The following IRAK2 variants were observed in gnomAD, a reference collection of about 807,000 sequenced individuals.
IRAK2 encodes interleukin 1 receptor associated kinase 2, also known as interleukin-1 receptor-associated kinase-like 2.
IRAK2 carries 57 observed loss-of-function variants against 72.0 expected under a neutral mutation model. The ratio of observed to expected loss-of-function variants is 0.79; its 90% CI spans 0.64 to 0.99. The LOEUF (loss-of-function observed/expected upper bound fraction) is 0.99. IRAK2 is among the 50% of genes least tolerant of loss of function. The pLI, the probability that IRAK2 is intolerant of heterozygous loss-of-function variation, is 0.00. For synonymous variants in IRAK2, 293 were observed against 312.7 expected (o/e 0.94, Z 0.67); for missense variants, 790 against 794.4 (o/e 0.99, Z 0.07).
chr3:10,196,440 G>T (rs696356), intron 2 of IRAK2, among the ~76,000 whole-genome samples: 33,265 of 152,134 alleles, frequency 0.22, 4,718 homozygotes, highest in East Asian at 0.72. Flanking sequence ...CTCCTCCTGG[G>T]CCTGTGGAAG....
chr3:10,195,155 G>T (rs1406644472), intron 2 of IRAK2, among the ~76,000 whole-genome samples: 1 of 152,218 alleles, frequency 6.6e-6, no homozygotes, highest in Non-Finnish European at 1.5e-5. Flanking sequence ...CTTCCCCACG[G>T]GTGGAGCCCA....
At chr3:10,165,619 C>A (rs533871747) in intron 1 of IRAK2, among the ~76,000 whole-genome samples, 1 of 151,990 alleles carries the variant, frequency 6.6e-6, no homozygotes, top group Non-Finnish European at 1.5e-5. Flanking sequence ...CCTCGGCCTC[C>A]CGAGTAGCTG....
chr3:10,226,541 C>T (rs776713438), intron 10 of IRAK2, 108 bp downstream of exon 10: 15 of 839,590 alleles, frequency 1.8e-5, no homozygotes, highest in African/African-American at 6.8e-5. Flanking sequence ...AAATGAGGCC[C>T]GGTACAAGGT....
chr3:10,211,423 AG>A (rs1697519729), intron 4 of IRAK2, among the ~76,000 whole-genome samples: 3 of 272 alleles, frequency 0.011, no homozygotes, highest in Non-Finnish European at 0.036. Flanking sequence ...GATTACAAGC[AG>A]TGAATCACTG....
At position 10,213,348 on chromosome 3, in the gene IRAK2, G is replaced by A. The variant is rs140518841; in HGVS notation, c.670G>A (p.Val224Ile). 122 of 1,613,968 alleles carry A rather than the reference G, an allele frequency of 7.6e-5. 1 individual carries two copies. Among genetic ancestry groups the A allele is most frequent in the Admixed American group, 5.2e-4 (31 of 59,974 alleles). ...AATCAGCCAGGGGACCTTTGCTGAC[G>A]TCTACAGAGGGCACAGGCACGGGAA... is the stretch of plus-strand genomic sequence containing the variant. ...RKISQGTFAD[V>I]YRGHRHGKPF... Residue 224 changes from valine to isoleucine, a missense_variant, in exon 5 of 13, where the codon GTC (valine) becomes ATC (isoleucine). Transcript: ENST00000256458.
At chr3:10,218,118 C>G (rs1346900984) in intron 7 of IRAK2, among the ~76,000 whole-genome samples, 2 of 152,094 alleles carry the variant, frequency 1.3e-5, no homozygotes, top group Non-Finnish European at 2.9e-5. Flanking sequence ...GGACCTACAC[C>G]AGGGCTTCAA....
At chr3:10,240,456 G>T (rs1204114850) in intron 12 of IRAK2, among the ~76,000 whole-genome samples, 1 of 131,086 alleles carries the variant, frequency 7.6e-6, no homozygotes. Context: ...AACTGTCTCA[G>T]GGAAAAAAAA....
chr3:10,214,729 G>C (rs1217407364), intron 6 of IRAK2, among the ~76,000 whole-genome samples: 2 of 151,920 alleles, frequency 1.3e-5, no homozygotes, highest in African/African-American at 2.4e-5. Context: ...AGGATTCCTT[G>C]AGCCAAGGAG....
intron 11 of IRAK2, 144 bp downstream of exon 11, chr3:10,234,803 C>A: frequency 2.7e-6 from 2 of 749,502 alleles, no homozygotes; most frequent in Non-Finnish European, 4.3e-6. Flanking sequence ...TCCCATCAGC[C>A]AAAGGGCGGT....
chr3:10,229,819 G>T (rs757970276), intron 10 of IRAK2, among the ~76,000 whole-genome samples: 4 of 152,160 alleles, frequency 2.6e-5, no homozygotes, highest in Non-Finnish European at 5.9e-5. Flanking sequence ...ATGAAAAAGA[G>T]GCCGGGCACA....
In IRAK2 at chr3:10,213,425, G is replaced by C. The variant is rs762458454; in HGVS notation, c.723+24G>C. 4.3e-6 allele frequency: 7 copies of C among 1,613,410 alleles called. No homozygotes were observed. The Admixed American group carries it at 8.3e-5, about 19-fold the overall frequency. ...AGGTGAGCACTTCTTGGTTTCTAGT[G>C]GGGGTGGAGGCTGCAGGGGTGGGGC... On this transcript the variant is annotated intron_variant, in intron 5 of 12. Coordinates refer to ENST00000256458, the MANE Select transcript of IRAK2 (RefSeq NM_001570.4).
chr3:10,185,248 G>A (rs1697054584), intron 2 of IRAK2, among the ~76,000 whole-genome samples: 1 of 151,266 alleles, frequency 6.6e-6, no homozygotes. Flanking sequence ...TGATTCTGAT[G>A]CACCTTGAAG....
chr3:10,169,835 TAA>T (rs1425120047), intron 1 of IRAK2, among the ~76,000 whole-genome samples: 2 of 152,242 alleles, frequency 1.3e-5, no homozygotes, highest in Admixed American at 1.3e-4. Flanking sequence ...TAGGAAATTA[TAA>T]GAGTATAAAT....
intron 8 of IRAK2, 132 bp from the exon 9 acceptor site, chr3:10,222,504 A>G: frequency 1.4e-6 from 1 of 704,034 alleles, no homozygotes; most frequent in Non-Finnish European, 2.5e-6. Context: ...CAGAAGCTCC[A>G]TGCTGAGGGT....
intron 1 of IRAK2, among the ~76,000 whole-genome samples, chr3:10,166,386 C>T (rs9873149): frequency 1.0e-3 from 156 of 152,272 alleles, no homozygotes; most frequent in Admixed American, 2.6e-3. Flanking sequence ...GGATGACTGG[C>T]GGAGAGGGCC....
chr3:10,176,065 GTT>G (rs58627914), intron 1 of IRAK2, among the ~76,000 whole-genome samples: 2,905 of 77,528 alleles, frequency 0.037, 110 homozygotes, highest in African/African-American at 0.12. Flanking sequence ...TATTGTCCAT[GTT>G]TTTTTTTTTT....
rs904455675 is a variant in IRAK2 at position 10,167,699 on chromosome 3, GC to G, written c.94+2653del. Among the ~76,000 whole-genome samples the G allele has an allele frequency of 2.0e-5, 3 of 152,172 alleles. 1 individual carries two copies. Among genetic ancestry groups the G allele is most frequent in the Non-Finnish European group, 4.4e-5 (3 of 68,034 alleles). ...CAAAGTGCTGGGATTACAGGCGTGA[GC>G]CACCGCGCCCAGCCAGTTTCTTTTT... is the stretch of plus-strand genomic sequence containing the variant. On this transcript the variant is annotated intron_variant, in intron 1 of 12. Transcript: ENST00000256458.
intron 3 of IRAK2, among the ~76,000 whole-genome samples, chr3:10,206,579 T>C (rs1333027619): frequency 6.6e-6 from 1 of 152,236 alleles, no homozygotes; most frequent in African/African-American, 2.4e-5. Context: ...TTTTTGAGAC[T>C]GAGTCTCGCT....
At chr3:10,193,719 C>T (rs1044735861) in intron 2 of IRAK2, among the ~76,000 whole-genome samples, 2 of 152,248 alleles carry the variant, frequency 1.3e-5, no homozygotes, top group Non-Finnish European at 2.9e-5. Context: ...CTGTTCCTTC[C>T]GTCACCTGCG....
Sources: allele counts gnomAD v4.1 joint callset (sites outside exome capture counted in the v4.1 genomes callset), GRCh38; gene constraint gnomAD v4.1.1; transcripts MANE v1.5; gene names NCBI Gene and HGNC (gene_info 2026-07-23, HGNC 2026-07-21).